The following CDH20 variants were observed in gnomAD, a reference collection of about 807,000 sequenced individuals.
CDH20 encodes cadherin 20, also known as cadherin-20.
A neutral mutation model predicts 74.2 loss-of-function variants in CDH20; 29 were observed. The ratio of observed to expected loss-of-function variants is 0.39; its 90% confidence interval spans 0.29 to 0.53. The LOEUF is 0.53. CDH20 is among the 20% of genes least tolerant of loss of function. The pLI is 0.69. For missense variants in CDH20, 988 were observed against 1,048.3 expected (o/e 0.94, Z 0.79); for synonymous variants, 469 against 405.4 (o/e 1.16, Z -1.88).
At chr18:61,524,118 G>C (rs1188771173) in intron 6 of CDH20, among the ~76,000 whole-genome samples, 2 of 152,112 alleles carry the variant, frequency 1.3e-5, no homozygotes, top group East Asian at 3.9e-4. Context: ...TCACAGACTA[G>C]GAGAAAATAT....
At chr18:61,359,163 G>C (rs1910601040) in intron 1 of CDH20, among the ~76,000 whole-genome samples, 1 of 151,862 alleles carries the variant, frequency 6.6e-6, no homozygotes, top group Admixed American at 6.6e-5. Flanking sequence ...TTCCAACTTG[G>C]TAAATATAAT....
chr18:61,383,984 T>C (rs1911517914), intron 1 of CDH20, among the ~76,000 whole-genome samples: 1 of 152,134 alleles, frequency 6.6e-6, no homozygotes, highest in African/African-American at 2.4e-5. Flanking sequence ...TCCCCTACCA[T>C]GCACACAAGT....
intron 1 of CDH20, among the ~76,000 whole-genome samples, chr18:61,430,732 C>G (rs1468993728): frequency 1.3e-5 from 2 of 152,130 alleles, no homozygotes; most frequent in Non-Finnish European, 2.9e-5. Flanking sequence ...ATTGTTCCAG[C>G]TTTGGCCCTT....
chr18:61,379,351 T>C (rs1319271563), intron 1 of CDH20, among the ~76,000 whole-genome samples: 2 of 152,240 alleles, frequency 1.3e-5, no homozygotes, highest in Admixed American at 1.3e-4. Context: ...TTGAGAAACT[T>C]GTAATGTTGA....
chr18:61,500,634 T>C, intron 4 of CDH20, 132 bp downstream of exon 4: 1 of 950,196 alleles, frequency 1.1e-6, no homozygotes, highest in Non-Finnish European at 1.5e-6. Flanking sequence ...GCTCTTAGCT[T>C]TAGGATTAAG....
At chr18:61,508,050 T>C (rs114771705) in intron 6 of CDH20, among the ~76,000 whole-genome samples, 2,920 of 152,334 alleles carry the variant, frequency 0.019, 89 homozygotes, top group African/African-American at 0.066. Flanking sequence ...CAAACATAGC[T>C]GCTGAATGGC....
At chr18:61,511,790 A>G (rs1020328763) in intron 6 of CDH20, among the ~76,000 whole-genome samples, 4 of 152,142 alleles carry the variant, frequency 2.6e-5, no homozygotes, top group African/African-American at 9.7e-5. Context: ...ACTGTTTTTC[A>G]CTGTCATTAC....
At chr18:61,456,582 C>T (rs888946844) in intron 1 of CDH20, among the ~76,000 whole-genome samples, 1 of 151,434 alleles carries the variant, frequency 6.6e-6, no homozygotes, top group Admixed American at 6.6e-5. Flanking sequence ...GTATTGGGAG[C>T]AAAACATTTT....
At chr18:61,538,437 C>T (rs1439476590) in intron 8 of CDH20, among the ~76,000 whole-genome samples, 1 of 151,940 alleles carries the variant, frequency 6.6e-6, no homozygotes, top group Non-Finnish European at 1.5e-5. Context: ...CAAAGGTTCA[C>T]CAACACACAC....
intron 8 of CDH20, 79 bp downstream of exon 8, chr18:61,536,708 T>C: frequency 1.5e-6 from 2 of 1,299,694 alleles, no homozygotes. Context: ...TAGAACTTGT[T>C]GTAACAAAAA....
intron 1 of CDH20, among the ~76,000 whole-genome samples, chr18:61,354,873 C>G (rs1910446370): frequency 6.6e-6 from 1 of 152,176 alleles, no homozygotes; most frequent in South Asian, 2.1e-4. Flanking sequence ...GACATCATAT[C>G]AGTTGTTAAT....
intron 4 of CDH20, among the ~76,000 whole-genome samples, chr18:61,502,101 G>A (rs1017433125): frequency 6.6e-6 from 1 of 152,210 alleles, no homozygotes; most frequent in Non-Finnish European, 1.5e-5. Flanking sequence ...CAAGAGTCAT[G>A]TTGTAAAGCT....
chr18:61,370,461 A>T (rs1568114084), intron 1 of CDH20, among the ~76,000 whole-genome samples: 1 of 152,144 alleles, frequency 6.6e-6, no homozygotes, highest in Non-Finnish European at 1.5e-5. Flanking sequence ...AATGATCACC[A>T]TATTACTTCT....
intron 1 of CDH20, among the ~76,000 whole-genome samples, chr18:61,404,523 A>T (rs1183619456): frequency 2.6e-5 from 4 of 152,192 alleles, no homozygotes; most frequent in African/African-American, 9.7e-5. Flanking sequence ...GGGAGCAATG[A>T]AATTCTACAT....
At chr18:61,351,834 C>T (rs1364025905) in intron 1 of CDH20, among the ~76,000 whole-genome samples, 1 of 151,986 alleles carries the variant, frequency 6.6e-6, no homozygotes, top group Non-Finnish European at 1.5e-5. Context: ...CTTGTAGATA[C>T]ATCTAGTATA....
rs201400450 is a variant in CDH20, at chr18:61,522,560, A to G, written c.1018-5407A>G. ...TGACTTCTTCACAGAATTAGAAAAA[A>G]CTTCTTTGAATTTCATATGGATCCA... On this transcript the variant is annotated intron_variant, in intron 6 of 11. Transcript: ENST00000262717. 8.5e-5 allele frequency among the ~76,000 whole-genome samples: 13 copies of G among 152,262 alleles called. No individual in the cohort carries two copies. The East Asian group carries it at 2.3e-3, about 27-fold the overall frequency.
At chr18:61,383,981 C>A (rs1911517703) in intron 1 of CDH20, among the ~76,000 whole-genome samples, 1 of 152,130 alleles carries the variant, frequency 6.6e-6, no homozygotes, top group African/African-American at 2.4e-5. Flanking sequence ...GCCTCCCCTA[C>A]CATGCACACA....
rs770952317 is a variant in CDH20, at chr18:61,554,562, G to C, written c.2273G>C (p.Gly758Ala). ...YMFEGDGSVA[G>A]SLSSLQSATS... The stretch of plus-strand genomic sequence containing the variant: ...TTCGAGGGGGACGGCTCTGTGGCGG[G>C]GTCGCTGAGCTCCCTGCAGTCGGCC... The change falls in exon 12 of 12, where the codon GGG (glycine) becomes GCG (alanine). Residue 758 changes from glycine to alanine, a missense_variant. Gly to Ala is a moderately conservative substitution (Grantham distance 60). Coordinates refer to ENST00000262717, the MANE Select transcript of CDH20 (RefSeq NM_031891.4). The C allele has an allele frequency of 3.1e-6, 5 of 1,610,906 alleles. No homozygotes were observed.
chr18:61,524,523 C>T (rs3017503), intron 6 of CDH20, among the ~76,000 whole-genome samples: 138,135 of 152,288 alleles, frequency 0.91, 62,810 homozygotes, highest in Middle Eastern at 0.95. Flanking sequence ...TACTCATAAC[C>T]GTCAGAAATT....
Sources: allele counts gnomAD v4.1 joint callset (sites outside exome capture counted in the v4.1 genomes callset), GRCh38; gene constraint gnomAD v4.1.1; transcripts MANE v1.5; gene names NCBI Gene and HGNC (gene_info 2026-07-23, HGNC 2026-07-21).